CP: variants seen among roughly 807,000 people sequenced by gnomAD.
CP encodes the protein ceruloplasmin, also known as caeruloplasmin.
CP carries 64 observed loss-of-function variants against 122.4 expected under a neutral mutation model. That is an observed-to-expected ratio of 0.52 (90% CI 0.43 to 0.64). The LOEUF is 0.64. Ranked by LOEUF, CP falls within the 30% of genes least tolerant of loss-of-function variation. The probability of loss-of-function intolerance (pLI) is 0.00; values close to 1 mark genes in which losing one functional copy is unlikely to be tolerated. For synonymous variants in CP, 440 were observed against 436.4 expected (o/e 1.01, Z -0.10); for missense variants, 1,167 against 1,284.4 (o/e 0.91, Z 1.40).
chr3:149,163,157 C>T (rs1724059399), intron 5 of CP, among the ~76,000 whole-genome samples: 1 of 152,172 alleles, frequency 6.6e-6, no homozygotes, highest in South Asian at 2.1e-4. Flanking sequence ...GGGACTTCTT[C>T]CAGAACATCA....
intron 13 of CP, 57 bp from the exon 14 acceptor site, chr3:149,182,190 G>C: frequency 6.3e-7 from 1 of 1,585,992 alleles, no homozygotes; most frequent in Non-Finnish European, 8.6e-7. Context: ...AGTAATAAAA[G>C]CAAAGATCAG....
At chr3:149,187,302 C>A (rs1426803801) in intron 10 of CP, among the ~76,000 whole-genome samples, 2 of 151,942 alleles carry the variant, frequency 1.3e-5, no homozygotes, top group African/African-American at 4.8e-5. Flanking sequence ...GTGACTAGTA[C>A]CTAGCTTAAA....
intron 4 of CP, chr3:149,166,117 A>G (rs1724390768): frequency 7.1e-6 from 3 of 420,976 alleles, no homozygotes; most frequent in African/African-American, 2.1e-5. Flanking sequence ...TCCTGGAGAA[A>G]GGGAAAGTGG....
At chr3:149,204,618 G>T (rs1331837756) in intron 6 of CP, among the ~76,000 whole-genome samples, 2 of 152,218 alleles carry the variant, frequency 1.3e-5, no homozygotes, top group African/African-American at 4.8e-5. Flanking sequence ...GGCTGAGCAA[G>T]TCCTAGCTAT....
chr3:149,216,893 T>C (rs1037902601), intron 1 of CP, among the ~76,000 whole-genome samples: 3 of 151,696 alleles, frequency 2.0e-5, no homozygotes, highest in African/African-American at 7.3e-5. Context: ...GCACTAGCTA[T>C]TGCTTGCTTT....
intron 9 of CP, among the ~76,000 whole-genome samples, chr3:149,190,234 G>A (rs954294493): frequency 1.3e-5 from 2 of 152,092 alleles, no homozygotes; most frequent in African/African-American, 4.8e-5. Flanking sequence ...CATTAGAAAT[G>A]AGAAAGGAAT....
intron 9 of CP, among the ~76,000 whole-genome samples, chr3:149,195,995 CCCGTATAT>C (rs1350211625): frequency 6.6e-6 from 1 of 151,940 alleles, no homozygotes; most frequent in Admixed American, 6.6e-5. Flanking sequence ...AATGAATTAA[CCCGTATAT>C]CCAGTGGTGG....
At chr3:149,179,426 T>C (rs963780648) in intron 15 of CP, 130 bp downstream of exon 15, 2 of 739,050 alleles carry the variant, frequency 2.7e-6, no homozygotes, top group African/African-American at 1.7e-5. Context: ...GTTGCTAAAG[T>C]AGATTGCAAA....
chr3:149,213,806 A>G (rs1728277195), intron 1 of CP, among the ~76,000 whole-genome samples: 1 of 152,148 alleles, frequency 6.6e-6, no homozygotes, highest in African/African-American at 2.4e-5. Context: ...AAAGTGAGAT[A>G]TATTTTTCTT....
In CP at chr3:149,214,510, T is replaced by C. The variant is rs563115056; in HGVS notation, c.147-1812A>G. Among the ~76,000 whole-genome samples, 28 of 152,312 alleles carry C rather than the reference T, an allele frequency of 1.8e-4. No homozygotes were observed. The South Asian group carries it at 5.8e-3, about 32-fold the overall frequency. On this transcript the variant is annotated intron_variant, in intron 1 of 18. Transcript: ENST00000264613. ...AAATGACTGAGATGATGTTTCCCTG[T>C]CCATCCCCTGTCCTGGTGGGAGGGC...
intron 1 of CP, among the ~76,000 whole-genome samples, chr3:149,216,570 G>A (rs1728471553): frequency 6.6e-6 from 1 of 152,112 alleles, no homozygotes; most frequent in Non-Finnish European, 1.5e-5. Flanking sequence ...GATTTCTTCT[G>A]GGAGCCACTT....
At chr3:149,217,956 T>A (rs1214396493) in intron 1 of CP, 2 of 410,938 alleles carry the variant, frequency 4.9e-6, no homozygotes, top group Admixed American at 6.8e-5. Context: ...TATAGTGACA[T>A]CTTCACTGTA....
At chr3:149,220,482 A>G (rs1728733714) in intron 1 of CP, among the ~76,000 whole-genome samples, 1 of 3,804 alleles carries the variant, frequency 2.6e-4, no homozygotes, top group Non-Finnish European at 4.8e-4. Flanking sequence ...ACCACCTTAA[A>G]ACCAGGTTAA....
At position 149,214,398 on chromosome 3, in the gene CP, C is replaced by T. The variant is rs1006341929; in HGVS notation, c.147-1700G>A. Among the ~76,000 whole-genome samples, 4 of 152,122 alleles carry T rather than the reference C, an allele frequency of 2.6e-5. No homozygotes were observed. In the East Asian group the frequency reaches 7.7e-4, roughly 29 times the overall value. On this transcript the variant is annotated intron_variant, in intron 1 of 18. Coordinates refer to ENST00000264613, the MANE Select transcript of CP (RefSeq NM_000096.4). ...TATGATGAGCGTTTCCTCCTAGTCA[C>T]TACCATATACCAATACACTGGGAAT... is the stretch of plus-strand genomic sequence containing the variant.
chr3:149,207,901 G>A (rs756357111), intron 4 of CP, among the ~76,000 whole-genome samples: 12 of 152,238 alleles, frequency 7.9e-5, no homozygotes, highest in Middle Eastern at 3.4e-3. Flanking sequence ...TACACATTGT[G>A]TGTGTGTGTA....
chr3:149,199,535 G>T (rs896630817), intron 8 of CP, among the ~76,000 whole-genome samples, 177 bp downstream of exon 8: 2 of 152,158 alleles, frequency 1.3e-5, no homozygotes, highest in African/African-American at 2.4e-5. Flanking sequence ...ACAAAATTCC[G>T]TAAACCAATT....
chr3:149,190,530 C>G (rs552349389), intron 9 of CP, among the ~76,000 whole-genome samples: 4 of 151,750 alleles, frequency 2.6e-5, no homozygotes, highest in Non-Finnish European at 4.4e-5. Context: ...TGGTGGCAGG[C>G]GCCTGTAGTC....
chr3:149,168,861 C>T (rs911746469), downstream of CP, among the ~76,000 whole-genome samples: 1 of 152,158 alleles, frequency 6.6e-6, no homozygotes, highest in Non-Finnish European at 1.5e-5. Context: ...GTTAGTGGAG[C>T]ACTTTCCAGT....
At chr3:149,177,637 T>C (rs1362454707) in intron 17 of CP, 1 of 624,408 alleles carries the variant, frequency 1.6e-6, no homozygotes, top group Non-Finnish European at 2.8e-6. Flanking sequence ...ATCCAAGTTT[T>C]GCTTTTTGGA....
Sources: allele counts gnomAD v4.1 joint callset (sites outside exome capture counted in the v4.1 genomes callset), GRCh38; gene constraint gnomAD v4.1.1; transcripts MANE v1.5; gene names NCBI Gene and HGNC (gene_info 2026-07-23, HGNC 2026-07-21).